Variants in BEND7 observed in about 807,000 individuals in gnomAD.
BEND7 encodes the protein BEN domain containing 7.
A neutral mutation model predicts 50.9 loss-of-function variants in BEND7; 28 were observed. The ratio of observed to expected loss-of-function variants is 0.55; its 90% confidence interval spans 0.41 to 0.75. The LOEUF (loss-of-function observed/expected upper bound fraction) is 0.75. Ranked by LOEUF, BEND7 falls within the 30% of genes least tolerant of loss-of-function variation. The probability of loss-of-function intolerance (pLI) is 0.00; values close to 1 mark genes in which losing one functional copy is unlikely to be tolerated. For synonymous variants in BEND7, 170 were observed against 183.9 expected, an observed-to-expected ratio of 0.92 and a Z score of 0.61; for missense variants, 477 against 491.3, an observed-to-expected ratio of 0.97 and a Z score of 0.28.
At chr10:13,464,541 G>C (rs569307548) in intron 6 of BEND7, among the ~76,000 whole-genome samples, 1 of 152,158 alleles carries the variant, frequency 6.6e-6, no homozygotes, top group Non-Finnish European at 1.5e-5. Flanking sequence ...ACTCTGGGGC[G>C]GGGAAGAGAG....
chr10:13,520,557 C>T (rs966576773), intron 2 of BEND7, among the ~76,000 whole-genome samples: 31 of 152,218 alleles, frequency 2.0e-4, no homozygotes, highest in African/African-American at 7.2e-4. Context: ...AAGTTACGTA[C>T]TGAGATCAGC....
intron 6 of BEND7, among the ~76,000 whole-genome samples, chr10:13,462,891 T>C (rs1443703865): frequency 6.6e-6 from 1 of 151,994 alleles, no homozygotes; most frequent in Non-Finnish European, 1.5e-5. Context: ...GATCCTACAA[T>C]CAACTAGAGC....
intron 8 of BEND7, chr10:13,445,423 C>G (rs1364403965): frequency 6.6e-6 from 1 of 152,198 alleles, no homozygotes; most frequent in Non-Finnish European, 1.5e-5. Flanking sequence ...CAGAGAAAAG[C>G]TGGCTTTGGC....
intron 6 of BEND7, among the ~76,000 whole-genome samples, chr10:13,478,349 G>A (rs1450989948): frequency 6.6e-6 from 1 of 152,172 alleles, no homozygotes; most frequent in Non-Finnish European, 1.5e-5. Flanking sequence ...TTCCCCAAGT[G>A]CCCACAATTT....
chr10:13,492,680 G>A lies in BEND7; in HGVS notation c.768C>T (p.Ala256=), dbSNP rs200062255. ...GGCTCTCCTCCGGGGAGGTGTGCTC[G>A]GCTGCCTGGAGAGCAGATAGCTCAG... ...VASELSALQA[A]EHTSPEESRV... is the part of the protein sequence containing the mutation. The change falls in exon 5 of 9, where the codon GCC becomes GCT. Residue 256 remains alanine, a synonymous_variant. Transcript: ENST00000466271. 5.6e-6 allele frequency: 9 copies of A among 1,614,170 alleles called. No individual in the cohort carries two copies. In the Admixed American group the frequency reaches 6.7e-5, roughly 12 times the overall value.
intron 7 of BEND7, among the ~76,000 whole-genome samples, chr10:13,450,087 A>C (rs192275048): frequency 7.0e-4 from 107 of 152,388 alleles, no homozygotes; most frequent in African/African-American, 2.6e-3. Context: ...CAGGAAAGGA[A>C]TCACTGGAGC....
chr10:13,455,973 C>A (rs752996035), intron 6 of BEND7, among the ~76,000 whole-genome samples: 7 of 152,170 alleles, frequency 4.6e-5, no homozygotes, highest in Non-Finnish European at 7.4e-5. Flanking sequence ...GGCTTTCCAC[C>A]TCCGTCTCCT....
intron 6 of BEND7, among the ~76,000 whole-genome samples, chr10:13,472,893 G>A (rs757351753): frequency 6.7e-6 from 1 of 149,692 alleles, no homozygotes; most frequent in Non-Finnish European, 1.5e-5. Context: ...TAGACTCGGG[G>A]TTGATACTCA....
intron 6 of BEND7, among the ~76,000 whole-genome samples, chr10:13,461,053 T>C (rs977263723): frequency 6.6e-6 from 1 of 152,112 alleles, no homozygotes; most frequent in African/African-American, 2.4e-5. Context: ...AAGGGGCACC[T>C]CACCCATTAT....
intron 7 of BEND7, among the ~76,000 whole-genome samples, chr10:13,451,012 T>C (rs76845518): frequency 0.025 from 3,798 of 152,034 alleles, 159 homozygotes; most frequent in African/African-American, 0.087. Context: ...CCAGAACTTA[T>C]AATAATCGGT....
intron 1 of BEND7, among the ~76,000 whole-genome samples, chr10:13,527,561 G>C (rs2079515314): frequency 6.6e-6 from 1 of 152,152 alleles, no homozygotes. Flanking sequence ...GTTGGGGTTT[G>C]GCTTTGACCT....
chr10:13,462,472 T>G (rs1840414388), intron 6 of BEND7, among the ~76,000 whole-genome samples: 1 of 152,208 alleles, frequency 6.6e-6, no homozygotes, highest in African/African-American at 2.4e-5. Flanking sequence ...GCCCTTGATA[T>G]GTGGGGATTA....
chr10:13,496,071 A>T (rs2076995761), intron 4 of BEND7, among the ~76,000 whole-genome samples: 1 of 152,214 alleles, frequency 6.6e-6, no homozygotes, highest in Non-Finnish European at 1.5e-5. Flanking sequence ...AGACCACACT[A>T]ATGAAACAGC....
At chr10:13,457,019 T>C (rs1839121971) in intron 6 of BEND7, among the ~76,000 whole-genome samples, 1 of 152,220 alleles carries the variant, frequency 6.6e-6, no homozygotes, top group South Asian at 2.1e-4. Context: ...TAGCATCCTA[T>C]TCGTTTATAG....
chr10:13,465,900 TG>T (rs1000133946), intron 6 of BEND7, among the ~76,000 whole-genome samples: 1 of 151,572 alleles, frequency 6.6e-6, no homozygotes, highest in East Asian at 1.9e-4. Flanking sequence ...TGTGTGTGTG[TG>T]TGGTGGCAGG....
chr10:13,440,241 G>A (rs1835156651), downstream of BEND7, among the ~76,000 whole-genome samples: 1 of 152,176 alleles, frequency 6.6e-6, no homozygotes, highest in South Asian at 2.1e-4. Context: ...GGGATCAAGG[G>A]CATCCCAGAG....
rs140167795 is a variant in BEND7, at chr10:13,453,437, T to C, written c.1064-779A>G. Among the ~76,000 whole-genome samples the C allele has an allele frequency of 2.0e-3, 308 of 152,260 alleles. 3 individuals carry two copies. The Middle Eastern group carries it at 0.024, about 12-fold the overall frequency. ...CACTGCCTCCTTGGTATTTAAAATA[T>C]TGGTAATTTCGATGTTTTAAAAGGT... is the stretch of plus-strand genomic sequence containing the variant. On this transcript the variant is annotated intron_variant, in intron 6 of 8. Coordinates refer to ENST00000466271, the MANE Select transcript of BEND7 (RefSeq NM_001369863.1).
chr10:13,520,054 C>G (rs1466837477), intron 2 of BEND7, among the ~76,000 whole-genome samples: 2 of 152,166 alleles, frequency 1.3e-5, no homozygotes, highest in African/African-American at 2.4e-5. Context: ...GGGCCTCACT[C>G]CTCCAAGGCA....
intron 2 of BEND7, 84 bp from the exon 3 acceptor site, chr10:13,500,164 C>T: frequency 8.6e-7 from 1 of 1,169,198 alleles, no homozygotes; most frequent in South Asian, 1.6e-5. Context: ...GAAAGAAAAA[C>T]AACCCTTCTT....
Sources: allele counts gnomAD v4.1 joint callset (sites outside exome capture counted in the v4.1 genomes callset), GRCh38; gene constraint gnomAD v4.1.1; transcripts MANE v1.5; gene names NCBI Gene and HGNC (gene_info 2026-07-23, HGNC 2026-07-21).